ZNF184: variants seen among roughly 807,000 people sequenced by gnomAD.
The protein encoded by ZNF184 is zinc finger protein 184.
ZNF184 carries 16 observed loss-of-function variants against 54.4 expected under a neutral mutation model. The observed-to-expected ratio is 0.29, with a 90% CI of 0.20 to 0.45. The LOEUF (loss-of-function observed/expected upper bound fraction) is 0.45, where lower values mean the gene tolerates loss of function less well. ZNF184 is among the 20% of genes least tolerant of loss of function. The pLI, the probability that ZNF184 is intolerant of heterozygous loss-of-function variation, is 1.00. For synonymous variants in ZNF184, 254 were observed against 295.3 expected (o/e 0.86, Z 1.43); for missense variants, 681 against 888.2 (o/e 0.77, Z 2.97).
Position 27,451,685 on chromosome 6 carries a change from T to A in ZNF184, c.1874A>T (p.His625Leu), listed in dbSNP as rs1170767814. The stretch of plus-strand genomic sequence containing the variant: ...TTGATGTTGAGCAAGAGATGAACAA[T>A]GTCGAAAGGCTTTACCACACTCAGC... Reference protein sequence around the residue: ...ECAECGKAFRHCSSLAQHQKT... With the variant: ...ECAECGKAFRLCSSLAQHQKT... Residue 625 changes from histidine to leucine, a missense_variant, in exon 6 of 6, where the codon CAT (histidine) becomes CTT (leucine). Physicochemically the swap from His to Leu is moderately conservative, Grantham distance 99. Coordinates refer to ENST00000683788, the MANE Select transcript of ZNF184 (RefSeq NM_001318891.2). 6.2e-7 allele frequency: 1 copy of A among 1,614,068 alleles called. No homozygotes were observed. Among genetic ancestry groups the A allele is most frequent in the Admixed American group, 1.7e-5 (1 of 60,006 alleles).
the ZNF184 span, among the ~76,000 whole-genome samples, chr6:27,417,823 T>C: frequency 3.3e-5 from 5 of 152,330 alleles, no homozygotes; most frequent in Non-Finnish European, 7.4e-5. Context: ...ATTTCAGCTA[T>C]GTAAAACAAA....
At chr6:27,413,922 A>G in the ZNF184 span, among the ~76,000 whole-genome samples, 4 of 152,160 alleles carry the variant, frequency 2.6e-5, no homozygotes, top group Non-Finnish European at 4.4e-5. Flanking sequence ...GCTGAACTCA[A>G]TGGATCCTTC....
In ZNF184 at chr6:27,457,225, A is replaced by T. The variant is rs181590740; in HGVS notation, c.202+58T>A. 43 of 1,580,248 alleles carry T rather than the reference A, an allele frequency of 2.7e-5. No homozygotes were observed. The East Asian group carries it at 9.2e-4, about 34-fold the overall frequency. On this transcript the variant is annotated intron_variant, in intron 4 of 5. Coordinates refer to ENST00000683788, the MANE Select transcript of ZNF184 (RefSeq NM_001318891.2). ...CTTAAAGGCAAACTCCCCTGAGCACAAGAGAGAACCCTCCTCCTGCACACC... is the reference window on the plus strand; with the variant it reads ...CTTAAAGGCAAACTCCCCTGAGCACTAGAGAGAACCCTCCTCCTGCACACC...
the ZNF184 span, among the ~76,000 whole-genome samples, chr6:27,423,340 A>G: frequency 2.0e-5 from 3 of 152,156 alleles, no homozygotes; most frequent in Admixed American, 6.5e-5. Context: ...GCTTCTTTTC[A>G]TTTCTTTTTC....
chr6:27,419,230 C>T, the ZNF184 span, among the ~76,000 whole-genome samples: 1 of 152,138 alleles, frequency 6.6e-6, no homozygotes, highest in South Asian at 2.1e-4. The surrounding 1 kb of genome is among the most constrained non-coding windows in gnomAD (Gnocchi z 4.8). Flanking sequence ...CTCAGCCTCC[C>T]AATTAGCTGG....
chr6:27,423,778 T>C, the ZNF184 span, among the ~76,000 whole-genome samples: 1 of 152,228 alleles, frequency 6.6e-6, no homozygotes, highest in South Asian at 2.1e-4. Context: ...ACAAAAATGT[T>C]ATAATTTATA....
chr6:27,442,003 T>A, the ZNF184 span, among the ~76,000 whole-genome samples: 1 of 152,226 alleles, frequency 6.6e-6, no homozygotes, highest in Non-Finnish European at 1.5e-5. Context: ...GGAAGTTAGA[T>A]GTGTGATTCA....
At chr6:27,441,312 T>C in the ZNF184 span, among the ~76,000 whole-genome samples, 1 of 152,044 alleles carries the variant, frequency 6.6e-6, no homozygotes, top group Admixed American at 6.5e-5. Context: ...ACCTCCCAGG[T>C]TCAAGCAATC....
At chr6:27,410,255 G>T in the ZNF184 span, among the ~76,000 whole-genome samples, 1 of 152,164 alleles carries the variant, frequency 6.6e-6, no homozygotes, top group Non-Finnish European at 1.5e-5. Context: ...TACAGATGTT[G>T]AATGACTTAC....
intron 3 of ZNF184, among the ~76,000 whole-genome samples, chr6:27,458,247 T>C (rs980149985): frequency 8.6e-6 from 1 of 116,742 alleles, no homozygotes; most frequent in Non-Finnish European, 1.8e-5. Context: ...ATGTAAAACA[T>C]CTATAAGACA....
Position 27,472,710 on chromosome 6 carries a change from G to T in ZNF184, c.-140+19C>A. On this transcript the variant is annotated intron_variant, in intron 1 of 5. Coordinates refer to ENST00000683788, the MANE Select transcript of ZNF184 (RefSeq NM_001318891.2). This position sits in a 1 kb window ranked among gnomAD's most constrained non-coding sequence, Gnocchi z 4.8. ...TTGTGACTCACACCCCTGCGAGCTCGGATAACACGAAGACACACCTGTTGC... is the reference window on the plus strand; with the variant it reads ...TTGTGACTCACACCCCTGCGAGCTCTGATAACACGAAGACACACCTGTTGC... The T allele has an allele frequency of 5.7e-6, 1 of 174,518 alleles. No homozygotes were observed. The highest frequency in any genetic ancestry group is 1.2e-5 in the Non-Finnish European group (1 of 81,796). 10.8% of individuals were successfully genotyped at this position (174,518 alleles called of 1,614,324 possible).
chr6:27,467,724 C>G, intron 3 of ZNF184, 129 bp downstream of exon 3: 1 of 779,242 alleles, frequency 1.3e-6, no homozygotes, highest in Non-Finnish European at 2.0e-6. Flanking sequence ...AATGCGGTTA[C>G]TAGACAGATG....
the ZNF184 span, chr6:27,407,869 G>A: frequency 3.7e-6 from 3 of 801,966 alleles, no homozygotes; most frequent in Non-Finnish European, 6.8e-6. Flanking sequence ...AAGGAGAAAG[G>A]GAGTGAACAG....
chr6:27,429,905 C>A, the ZNF184 span, among the ~76,000 whole-genome samples: 2 of 152,146 alleles, frequency 1.3e-5, no homozygotes, highest in Non-Finnish European at 2.9e-5. Context: ...TGGCACAGAG[C>A]CTTCATAAGG....
At chr6:27,428,488 G>T in the ZNF184 span, among the ~76,000 whole-genome samples, 1 of 152,156 alleles carries the variant, frequency 6.6e-6, no homozygotes, top group Admixed American at 6.6e-5. This position sits in a 1 kb window ranked among gnomAD's most constrained non-coding sequence, Gnocchi z 4.1. Context: ...ATGAATAAAG[G>T]TCAAGTCTGG....
At chr6:27,445,025 C>G in the ZNF184 span, among the ~76,000 whole-genome samples, 1 of 152,152 alleles carries the variant, frequency 6.6e-6, no homozygotes, top group Non-Finnish European at 1.5e-5. Flanking sequence ...TGGTGCAATT[C>G]TTTGGCAAAA....
the ZNF184 span, among the ~76,000 whole-genome samples, chr6:27,411,431 C>T: frequency 6.6e-6 from 1 of 152,174 alleles, no homozygotes; most frequent in South Asian, 2.1e-4. Context: ...GGACCAGTGG[C>T]TACATTCCTT....
chr6:27,451,157 C>G lies in ZNF184; in HGVS notation c.*146G>C, dbSNP rs1762703820. The G allele has an allele frequency of 1.0e-6, 1 of 954,784 alleles. No individual in the cohort carries two copies. Among genetic ancestry groups the G allele is most frequent in the Non-Finnish European group, 1.5e-6 (1 of 659,412 alleles). 59.1% of individuals were successfully genotyped at this position (954,784 alleles called of 1,614,324 possible). ...TTAATAACAATTGGATTAGTTCAGCCCAATGTACTTTCCATTCCATAACAT... is the reference window on the plus strand; with the variant it reads ...TTAATAACAATTGGATTAGTTCAGCGCAATGTACTTTCCATTCCATAACAT... On this transcript the variant is annotated 3_prime_UTR_variant, in exon 6 of 6. Transcript: ENST00000683788.
the ZNF184 span, among the ~76,000 whole-genome samples, chr6:27,418,457 T>A: frequency 1.3e-5 from 2 of 152,214 alleles, no homozygotes; most frequent in African/African-American, 4.8e-5. Flanking sequence ...TTTATTTCAA[T>A]TCATTGATTA....
Sources: gnomAD v4.1 joint callset for allele counts (sites outside exome capture counted in the v4.1 genomes callset) on GRCh38, gnomAD v4.1.1 for gene constraint, Gnocchi (gnomAD v3.1) non-coding constraint, MANE v1.5 for transcripts, NCBI Gene and HGNC (gene_info 2026-07-23, HGNC 2026-07-21) for gene names.